The following WDR72 variants were observed in gnomAD, a reference collection of about 807,000 sequenced individuals.
WDR72 encodes WD repeat domain 72.
WDR72 carries 120 observed loss-of-function variants against 124.2 expected under a neutral mutation model. That is an observed-to-expected ratio of 0.97 (90% CI 0.83 to 1.12). The LOEUF (loss-of-function observed/expected upper bound fraction) is 1.12, where lower values mean the gene tolerates loss of function less well. Ranked by LOEUF, WDR72 falls within the 50% of genes most tolerant of loss-of-function variation. WDR72 has a pLI of 0.00. For missense variants in WDR72, 1,387 were observed against 1,278.8 expected, an observed-to-expected ratio of 1.08 and a Z score of -1.29; for synonymous variants, 452 against 441.7, an observed-to-expected ratio of 1.02 and a Z score of -0.29.
rs2013740806 is a variant in WDR72 at position 53,615,860 on chromosome 15, T to A, written c.2346A>T (p.Pro782=). The A allele has an allele frequency of 6.2e-7, 1 of 1,613,562 alleles. No individual in the cohort carries two copies. The highest frequency in any genetic ancestry group is 8.5e-7 in the Non-Finnish European group (1 of 1,179,696). The change falls in exon 15 of 20, where the codon CCA becomes CCT. Residue 782 remains proline, a synonymous_variant. Transcript: ENST00000360509. ...TGAGACTGGCATCTACTTTTCTTGA[T>A]GGCTTAGGCTGCATTTTTTTGGAGA... The part of the protein sequence containing the change: ...MKISKKMQPK[P]SRKVDASLTI...
At chr15:53,670,865 C>G (rs1306295380) in intron 13 of WDR72, among the ~76,000 whole-genome samples, 1 of 152,076 alleles carries the variant, frequency 6.6e-6, no homozygotes, top group African/African-American at 2.4e-5. Context: ...CTCTTTGGCC[C>G]CCAAGCACTA....
At chr15:53,731,075 T>G (rs1312972908) in intron 2 of WDR72, among the ~76,000 whole-genome samples, 2 of 152,184 alleles carry the variant, frequency 1.3e-5, no homozygotes, top group African/African-American at 2.4e-5. Flanking sequence ...AATAACTTCT[T>G]TGTGTAATTA....
intron 17 of WDR72, among the ~76,000 whole-genome samples, chr15:53,598,029 C>T (rs1217730701): frequency 6.6e-6 from 1 of 152,112 alleles, no homozygotes; most frequent in East Asian, 1.9e-4. Context: ...ATCCTCTGCC[C>T]TCAGTGCAAA....
chr15:53,687,384 C>A (rs989716299), intron 13 of WDR72, among the ~76,000 whole-genome samples: 6 of 149,982 alleles, frequency 4.0e-5, no homozygotes, highest in African/African-American at 1.5e-4. Context: ...GGGGATATCA[C>A]CACCAATCCC....
intron 19 of WDR72, among the ~76,000 whole-genome samples, chr15:53,520,965 C>T (rs972266571): frequency 1.3e-5 from 2 of 152,028 alleles, no homozygotes; most frequent in Non-Finnish European, 2.9e-5. Context: ...GTCTTAATTT[C>T]TTATCACAGA....
intron 14 of WDR72, among the ~76,000 whole-genome samples, chr15:53,630,422 C>T (rs1003166336): frequency 1.3e-5 from 2 of 152,082 alleles, no homozygotes; most frequent in Non-Finnish European, 2.9e-5. Context: ...AAGAAAAGTA[C>T]AGACCAATAA....
chr15:53,757,071 A>G (rs549949866), intron 1 of WDR72, among the ~76,000 whole-genome samples: 95 of 152,306 alleles, frequency 6.2e-4, no homozygotes, highest in Middle Eastern at 3.4e-3. Flanking sequence ...TTGAAGATAA[A>G]CGTGACACAT....
chr15:53,672,702 T>C (rs1037228790), intron 13 of WDR72, among the ~76,000 whole-genome samples: 1 of 152,178 alleles, frequency 6.6e-6, no homozygotes, highest in African/African-American at 2.4e-5. Flanking sequence ...TCTAAACATC[T>C]ACCTAAAGAA....
chr15:53,613,535 C>T, intron 16 of WDR72, 131 bp downstream of exon 16: 1 of 675,660 alleles, frequency 1.5e-6, no homozygotes, highest in South Asian at 1.7e-5. Flanking sequence ...AGTGTAATCA[C>T]AAACATAGGT....
intron 9 of WDR72, among the ~76,000 whole-genome samples, chr15:53,707,715 G>A (rs1378256210): frequency 6.6e-6 from 1 of 152,054 alleles, no homozygotes; most frequent in East Asian, 1.9e-4. Context: ...CAAAGTGCTG[G>A]GATTACAGGC....
chr15:53,701,962 T>C (rs186907879), intron 12 of WDR72, among the ~76,000 whole-genome samples, 172 bp downstream of exon 12: 23 of 152,276 alleles, frequency 1.5e-4, no homozygotes, highest in South Asian at 1.0e-3. Flanking sequence ...CTACAATTCA[T>C]ATAGAAAGAT....
chr15:53,527,198 C>T (rs1156689046), intron 18 of WDR72, among the ~76,000 whole-genome samples: 1 of 152,032 alleles, frequency 6.6e-6, no homozygotes, highest in African/African-American at 2.4e-5. Flanking sequence ...GACTCTATAG[C>T]AGGATTTGTT....
At chr15:53,733,325 C>T (rs2018258509) in intron 1 of WDR72, 164 bp from the exon 2 acceptor site, 1 of 719,290 alleles carries the variant, frequency 1.4e-6, no homozygotes, top group East Asian at 2.7e-5. Context: ...AAGTAGTCAT[C>T]AGAAACTGAA....
intron 18 of WDR72, among the ~76,000 whole-genome samples, chr15:53,572,719 C>T (rs753735862): frequency 5.3e-5 from 8 of 152,040 alleles, no homozygotes; most frequent in African/African-American, 1.2e-4. Flanking sequence ...TGGGAAATGG[C>T]GAGAATTGCA....
intron 18 of WDR72, among the ~76,000 whole-genome samples, chr15:53,540,600 G>T (rs540863237): frequency 6.8e-6 from 1 of 147,778 alleles, no homozygotes; most frequent in Admixed American, 6.7e-5. Flanking sequence ...AGGAAAGAAA[G>T]ACAATGAATT....
At chr15:53,654,211 AGGT>A (rs1200417461) in intron 14 of WDR72, among the ~76,000 whole-genome samples, 2 of 152,220 alleles carry the variant, frequency 1.3e-5, no homozygotes, top group Non-Finnish European at 2.9e-5. Flanking sequence ...AGAAGACATC[AGGT>A]AACCACAAGA....
chr15:53,678,642 C>T (rs559054210), intron 13 of WDR72, among the ~76,000 whole-genome samples: 2 of 152,252 alleles, frequency 1.3e-5, no homozygotes, highest in African/African-American at 4.8e-5. Context: ...TTTGTCCTAC[C>T]CAATTCTGAA....
At chr15:53,542,962 C>T (rs1214026610) in intron 18 of WDR72, among the ~76,000 whole-genome samples, 1 of 152,024 alleles carries the variant, frequency 6.6e-6, no homozygotes, top group African/African-American at 2.4e-5. Flanking sequence ...AATATATATG[C>T]ACTCAACACA....
At chr15:53,758,005 CTCTT>C (rs975968680) in intron 1 of WDR72, among the ~76,000 whole-genome samples, 4 of 132,326 alleles carry the variant, frequency 3.0e-5, no homozygotes, top group African/African-American at 8.5e-5. Flanking sequence ...CTCTCTCTCT[CTCTT>C]TTTCTCTTTT....
Sources: allele counts gnomAD v4.1 joint callset (sites outside exome capture counted in the v4.1 genomes callset), GRCh38; gene constraint gnomAD v4.1.1; transcripts MANE v1.5; gene names NCBI Gene and HGNC (gene_info 2026-07-23, HGNC 2026-07-21).